Variants in MYRIP observed in about 807,000 individuals in gnomAD.
The protein encoded by MYRIP is myosin VIIA and Rab interacting protein.
Under a neutral mutation model 98.0 loss-of-function variants are expected in MYRIP, and 49 were observed. The ratio of observed to expected loss-of-function variants is 0.50; its 90% CI spans 0.40 to 0.63. The LOEUF is 0.63. MYRIP is among the 30% of genes least tolerant of loss of function. MYRIP has a pLI of 0.00. For missense variants in MYRIP, 1,004 were observed against 1,058.2 expected, an observed-to-expected ratio of 0.95 and a Z score of 0.71; for synonymous variants, 404 against 409.5, an observed-to-expected ratio of 0.99 and a Z score of 0.16.
intron 2 of MYRIP, among the ~76,000 whole-genome samples, chr3:39,928,522 A>G (rs9880017): frequency 0.37 from 55,866 of 151,656 alleles, 10,606 homozygotes; most frequent in East Asian, 0.45. Context: ...AAGCTGGTTC[A>G]GTTTTAAAAA....
At chr3:40,143,252 G>A (rs772789829) in intron 3 of MYRIP, among the ~76,000 whole-genome samples, 3 of 152,190 alleles carry the variant, frequency 2.0e-5, no homozygotes, top group Admixed American at 6.5e-5. Flanking sequence ...ATGCACAGAC[G>A]CAGGATTCCA....
At position 39,885,607 on chromosome 3, in the gene MYRIP, C is replaced by G. The variant is rs182835172; in HGVS notation, c.-30-15180C>G. Among the ~76,000 whole-genome samples, 1,192 of 151,048 alleles carry G rather than the reference C, an allele frequency of 7.9e-3. 19 individuals carry two copies. The highest frequency in any genetic ancestry group is 0.027 in the African/African-American group (1,088 of 40,548). On this transcript the variant is annotated intron_variant, in intron 1 of 16. Coordinates refer to ENST00000302541, the MANE Select transcript of MYRIP (RefSeq NM_015460.4). The stretch of plus-strand genomic sequence containing the variant: ...CGCAGAGTGTTTTCCAACTTGGTTC[C>G]ATTCTCCCCGTCGCTTTCAGGTACA...
intron 1 of MYRIP, among the ~76,000 whole-genome samples, chr3:39,867,359 A>T (rs1942656348): frequency 6.6e-6 from 1 of 152,210 alleles, no homozygotes. Context: ...CAAAAGAAAC[A>T]CTGAACAAAG....
chr3:40,235,947 GGGA>G lies in MYRIP; in HGVS notation c.2100+1899_2100+1901del, dbSNP rs758765594. Reference sequence around the variant, plus strand: ...CTGAAGGCAAAATCAATGTACTGGAGGGAGGAGAAGACAGTGCTTACATTTACC... The same window carrying G: ...CTGAAGGCAAAATCAATGTACTGGAGGGAGAAGACAGTGCTTACATTTACC... On this transcript the variant is annotated intron_variant, in intron 12 of 16. Coordinates refer to ENST00000302541, the MANE Select transcript of MYRIP (RefSeq NM_015460.4). Among the ~76,000 whole-genome samples, 14 of 152,332 alleles carry G rather than the reference GGGA, an allele frequency of 9.2e-5. No homozygotes were observed. In the South Asian group the frequency reaches 1.0e-3, roughly 11 times the overall value.
At position 39,993,738 on chromosome 3, in the gene MYRIP, G is replaced by T. The variant is rs374668725; in HGVS notation, c.111-50312G>T. On this transcript the variant is annotated intron_variant, in intron 2 of 16. Coordinates refer to ENST00000302541, the MANE Select transcript of MYRIP (RefSeq NM_015460.4). ...TACTTCTCTGTCTTCCCCCTTCGAA[G>T]CAGATAACTAGATGTTACAATGGAT... is the stretch of plus-strand genomic sequence containing the variant. Among the ~76,000 whole-genome samples the T allele has an allele frequency of 1.2e-4, 18 of 152,296 alleles. No homozygotes were observed. The South Asian group carries it at 3.7e-3, about 32-fold the overall frequency.
rs560660900 is a variant in MYRIP, at chr3:39,843,132, T to C, written c.-31+33216T>C. On this transcript the variant is annotated intron_variant, in intron 1 of 16. Transcript: ENST00000302541. ...TTCCATGGAGGCTTCTTTTTCTTATTACCTAAAGCAGTTTCACACTCCTTT... is the reference window on the plus strand; with the variant it reads ...TTCCATGGAGGCTTCTTTTTCTTATCACCTAAAGCAGTTTCACACTCCTTT... 2.6e-5 allele frequency among the ~76,000 whole-genome samples: 4 copies of C among 152,342 alleles called. No homozygotes were observed. The South Asian group carries it at 8.3e-4, about 32-fold the overall frequency.
intron 1 of MYRIP, among the ~76,000 whole-genome samples, chr3:39,875,253 A>T (rs1323129502): frequency 4.0e-5 from 6 of 151,898 alleles, no homozygotes; most frequent in African/African-American, 1.5e-4. Flanking sequence ...TAGTCTTGCT[A>T]GTGGTCTATC....
At chr3:40,220,114 T>A (rs1375244058) in intron 11 of MYRIP, among the ~76,000 whole-genome samples, 1 of 152,072 alleles carries the variant, frequency 6.6e-6, no homozygotes, top group Admixed American at 6.6e-5. Flanking sequence ...CATATGTTTT[T>A]TGGCTGCATA....
chr3:39,878,580 G>GTA (rs374344762), intron 1 of MYRIP, among the ~76,000 whole-genome samples: 21 of 151,568 alleles, frequency 1.4e-4, no homozygotes, highest in South Asian at 2.1e-4. Flanking sequence ...ACACAGAGGT[G>GTA]TATATATATA....
chr3:40,058,347 C>T (rs1314298461), intron 3 of MYRIP, among the ~76,000 whole-genome samples: 1 of 152,012 alleles, frequency 6.6e-6, no homozygotes, highest in East Asian at 1.9e-4. Flanking sequence ...TTTGAAGTCC[C>T]TAGAAACTAA....
At chr3:40,045,860 A>G (rs1389942681) in intron 3 of MYRIP, among the ~76,000 whole-genome samples, 1 of 152,232 alleles carries the variant, frequency 6.6e-6, no homozygotes, top group Non-Finnish European at 1.5e-5. Flanking sequence ...AAGGAAAAAC[A>G]GAAAGGGGCT....
At chr3:40,163,121 A>G (rs957816649) in intron 5 of MYRIP, among the ~76,000 whole-genome samples, 1 of 152,238 alleles carries the variant, frequency 6.6e-6, no homozygotes, top group Non-Finnish European at 1.5e-5. Context: ...TGCATCTCAT[A>G]TTAAAATATT....
chr3:39,981,001 A>C (rs915847440), intron 2 of MYRIP, among the ~76,000 whole-genome samples: 1 of 152,314 alleles, frequency 6.6e-6, no homozygotes, highest in Admixed American at 6.5e-5. Context: ...AATGTCCTTC[A>C]TGCCTCAGAA....
In MYRIP at chr3:40,139,610, C is replaced by A. The variant is rs370168732; in HGVS notation, c.333-11438C>A. Among the ~76,000 whole-genome samples the A allele has an allele frequency of 9.2e-5, 14 of 152,164 alleles. No homozygotes were observed. In the South Asian group the frequency reaches 2.9e-3, roughly 32 times the overall value. ...TTTTTTCCTTTTTGAGACAGGGTCG[C>A]CTTCTGTTGCCCAGGCTGTTGTGCA... On this transcript the variant is annotated intron_variant, in intron 3 of 16. Coordinates refer to ENST00000302541, the MANE Select transcript of MYRIP (RefSeq NM_015460.4).
intron 1 of MYRIP, among the ~76,000 whole-genome samples, chr3:39,855,004 T>C (rs890164269): frequency 6.6e-6 from 1 of 152,130 alleles, no homozygotes; most frequent in African/African-American, 2.4e-5. Flanking sequence ...CATCTTTGGG[T>C]CTCCCAGCCA....
At chr3:40,187,017 G>C (rs1169317669) in intron 9 of MYRIP, among the ~76,000 whole-genome samples, 1 of 152,178 alleles carries the variant, frequency 6.6e-6, no homozygotes, top group East Asian at 1.9e-4. Flanking sequence ...TGAAAATAGT[G>C]TTGCTGTATA....
intron 3 of MYRIP, among the ~76,000 whole-genome samples, chr3:40,103,082 T>C (rs1382042650): frequency 6.6e-6 from 1 of 151,930 alleles, no homozygotes; most frequent in Non-Finnish European, 1.5e-5. Context: ...GCCATCTTCT[T>C]GCCCTAAAAC....
At chr3:39,880,783 C>T (rs1309945275) in intron 1 of MYRIP, among the ~76,000 whole-genome samples, 2 of 152,066 alleles carry the variant, frequency 1.3e-5, no homozygotes, top group African/African-American at 2.4e-5. Flanking sequence ...TTATTTATCC[C>T]AGGTGTTCTG....
intron 13 of MYRIP, among the ~76,000 whole-genome samples, chr3:40,245,650 CAAA>C (rs1230060850): frequency 1.1e-4 from 7 of 62,764 alleles, no homozygotes; most frequent in Non-Finnish European, 1.7e-4. Flanking sequence ...ACTCCATCTC[CAAA>C]AAAAAAAAAA....
Sources: gnomAD v4.1 joint callset for allele counts (sites outside exome capture counted in the v4.1 genomes callset) on GRCh38, gnomAD v4.1.1 for gene constraint, MANE v1.5 for transcripts, NCBI Gene and HGNC (gene_info 2026-07-23, HGNC 2026-07-21) for gene names.